LSAMP: variants seen among roughly 807,000 people sequenced by gnomAD.
The protein encoded by LSAMP is limbic system associated membrane protein.
LSAMP carries 7 observed loss-of-function variants against 38.6 expected under a neutral mutation model. The observed-to-expected ratio is 0.18, with a 90% CI of 0.10 to 0.34. The LOEUF is 0.34. Among genes scored for constraint, LSAMP ranks in the 10% least tolerant of loss-of-function variants. The pLI, the probability that LSAMP is intolerant of heterozygous loss-of-function variation, is 1.00. For synonymous variants in LSAMP, 154 were observed against 166.8 expected (o/e 0.92, Z 0.59); for missense variants, 313 against 420.0 (o/e 0.75, Z 2.23).
At chr3:115,845,878 T>C (rs1440349732) in intron 4 of LSAMP, among the ~76,000 whole-genome samples, 1 of 152,254 alleles carries the variant, frequency 6.6e-6, no homozygotes. Context: ...TACAAGTGCA[T>C]TAATCTAGTC....
At chr3:116,204,945 A>G (rs1436096635) in intron 1 of LSAMP, among the ~76,000 whole-genome samples, 1 of 144,680 alleles carries the variant, frequency 6.9e-6, no homozygotes, top group Non-Finnish European at 1.5e-5. Flanking sequence ...GAAGAAAGTC[A>G]TTGGTAGCTT....
At chr3:115,885,822 C>G (rs979857185) in intron 3 of LSAMP, among the ~76,000 whole-genome samples, 1 of 151,808 alleles carries the variant, frequency 6.6e-6, no homozygotes, top group South Asian at 2.1e-4. Flanking sequence ...ACGGACAGCT[C>G]TCTTAAGGCT....
intron 1 of LSAMP, among the ~76,000 whole-genome samples, chr3:116,330,542 G>T (rs926712288): frequency 6.6e-6 from 1 of 151,502 alleles, no homozygotes; most frequent in African/African-American, 2.4e-5. Context: ...TAAAGGACCA[G>T]CATGCTCCCC....
chr3:115,868,195 A>G (rs1383016506), intron 3 of LSAMP, among the ~76,000 whole-genome samples: 1 of 152,140 alleles, frequency 6.6e-6, no homozygotes, highest in Non-Finnish European at 1.5e-5. Flanking sequence ...GTTGAATGCT[A>G]TCACAGAAAG....
At chr3:116,235,715 G>T (rs1261752953) in intron 1 of LSAMP, among the ~76,000 whole-genome samples, 5 of 152,082 alleles carry the variant, frequency 3.3e-5, no homozygotes, top group Admixed American at 6.5e-5. Flanking sequence ...TTTCTCTGAA[G>T]CAATCTAAGT....
chr3:116,168,937 A>G (rs1004587046), intron 1 of LSAMP, among the ~76,000 whole-genome samples: 2 of 152,204 alleles, frequency 1.3e-5, no homozygotes, highest in Non-Finnish European at 1.5e-5. Context: ...GGCTAGGCAC[A>G]TGCCTGTAAT....
At chr3:116,011,852 C>G (rs1940336186) in intron 3 of LSAMP, among the ~76,000 whole-genome samples, 1 of 152,190 alleles carries the variant, frequency 6.6e-6, no homozygotes, top group African/African-American at 2.4e-5. Context: ...TGGAACTTTT[C>G]CTCTGGCCCC....
intron 1 of LSAMP, among the ~76,000 whole-genome samples, chr3:116,255,233 G>A (rs1488202878): frequency 6.6e-6 from 1 of 152,096 alleles, no homozygotes; most frequent in African/African-American, 2.4e-5. Flanking sequence ...CTCAACAACT[G>A]AGTGCACTAC....
chr3:115,950,755 T>C (rs1938255491), intron 3 of LSAMP, among the ~76,000 whole-genome samples: 1 of 86,582 alleles, frequency 1.2e-5, no homozygotes, highest in African/African-American at 4.8e-5. Context: ...CTAAAATTCA[T>C]ATGGAACCAA....
intron 1 of LSAMP, among the ~76,000 whole-genome samples, chr3:116,405,427 CTTT>C (rs1047845469): frequency 6.6e-6 from 1 of 152,028 alleles, no homozygotes; most frequent in African/African-American, 2.4e-5. Context: ...TGAGAAACTT[CTTT>C]GTCTGGGTTG....
chr3:116,190,255 A>G (rs535608634), intron 1 of LSAMP, among the ~76,000 whole-genome samples: 83 of 152,252 alleles, frequency 5.5e-4, no homozygotes, highest in Admixed American at 3.8e-3. Flanking sequence ...TGTGATATGT[A>G]ATTAAGCATC....
rs1485613416 is a variant in LSAMP, at chr3:116,203,762, G to C, written c.156-117206C>G. Among the ~76,000 whole-genome samples the C allele has an allele frequency of 5.9e-5, 9 of 151,896 alleles. No homozygotes were observed. In the South Asian group the frequency reaches 1.9e-3, roughly 32 times the overall value. ...TTTTTATGGCTGCATAGTATTCCAT[G>C]GTGTATATGTGCCACATTTTCTTAA... On this transcript the variant is annotated intron_variant, in intron 1 of 6. Transcript: ENST00000490035.
In LSAMP at chr3:115,808,732, A is replaced by G. The variant is rs1293094880; in HGVS notation, c.*1585T>C. 1.3e-5 allele frequency: 2 copies of G among 152,242 alleles called. No individual in the cohort carries two copies. Among genetic ancestry groups the G allele is most frequent in the African/African-American group, 4.8e-5 (2 of 41,462 alleles). The allele number at this position is 152,242 out of a possible 1,614,324, so 9.4% of individuals were successfully genotyped here. A position where few individuals can be genotyped will look rare whatever the true frequency, so the allele number is the denominator to read the frequency against. On this transcript the variant is annotated 3_prime_UTR_variant, in exon 7 of 7. Transcript: ENST00000490035. The stretch of plus-strand genomic sequence containing the variant: ...AAACAGAACAGGGATTATGCAGGCA[A>G]CCAAATAAAACATTAACCTAGAACA...
intron 2 of LSAMP, among the ~76,000 whole-genome samples, chr3:116,035,806 T>C (rs984855634): frequency 1.3e-5 from 2 of 152,196 alleles, no homozygotes; most frequent in African/African-American, 4.8e-5. Context: ...TATTATGTCA[T>C]TGGACGTTGT....
In LSAMP at chr3:116,230,228, CT is replaced by C. The variant is rs375110846; in HGVS notation, c.156-143673del. Among the ~76,000 whole-genome samples, 431 of 145,700 alleles carry C rather than the reference CT, an allele frequency of 3.0e-3. 10 individuals are homozygous for C. In the East Asian group the frequency reaches 0.049, roughly 16 times the overall value. On this transcript the variant is annotated intron_variant, in intron 1 of 6. Coordinates refer to ENST00000490035, the MANE Select transcript of LSAMP (RefSeq NM_002338.5). Reference sequence around the variant, plus strand: ...GTCTTTCACACTTGTGGGTAGAATACTTTTTTTTTTTGTCTTTGATAGATTA... The same window carrying C: ...GTCTTTCACACTTGTGGGTAGAATACTTTTTTTTTTGTCTTTGATAGATTA...
At chr3:115,906,671 C>T (rs1346711318) in intron 3 of LSAMP, among the ~76,000 whole-genome samples, 7 of 152,068 alleles carry the variant, frequency 4.6e-5, no homozygotes, top group Non-Finnish European at 1.0e-4. Flanking sequence ...GTTTTGTTTG[C>T]TGAAGGCTTT....
intron 2 of LSAMP, among the ~76,000 whole-genome samples, chr3:116,052,641 C>T (rs56005976): frequency 2.0e-5 from 3 of 152,240 alleles, no homozygotes; most frequent in Non-Finnish European, 4.4e-5. Context: ...TTGTGTTTAA[C>T]CTCTGTTGAG....
chr3:116,225,988 T>G (rs2046338031), intron 1 of LSAMP, among the ~76,000 whole-genome samples: 1 of 152,212 alleles, frequency 6.6e-6, no homozygotes, highest in Non-Finnish European at 1.5e-5. Flanking sequence ...TGTGCATCTT[T>G]CTGTCTGCTT....
chr3:115,933,463 A>G (rs1937613914), intron 3 of LSAMP, among the ~76,000 whole-genome samples: 1 of 152,244 alleles, frequency 6.6e-6, no homozygotes, highest in Non-Finnish European at 1.5e-5. Context: ...ATGCTGGATG[A>G]GTAGAGGAAA....
Sources: gnomAD v4.1 joint callset for allele counts (sites outside exome capture counted in the v4.1 genomes callset) on GRCh38, gnomAD v4.1.1 for gene constraint, MANE v1.5 for transcripts, NCBI Gene and HGNC (gene_info 2026-07-23, HGNC 2026-07-21) for gene names.